Variants in GALNT9 observed in about 807,000 individuals in gnomAD.
GALNT9 encodes polypeptide N-acetylgalactosaminyltransferase 9, also known as GalNAc transferase 9.
A neutral mutation model predicts 63.1 loss-of-function variants in GALNT9; 47 were observed. That is an observed-to-expected ratio of 0.75 (90% CI 0.59 to 0.95). The LOEUF (loss-of-function observed/expected upper bound fraction) is 0.95, where lower values mean the gene tolerates loss of function less well. Among genes scored for constraint, GALNT9 ranks in the 40% least tolerant of loss-of-function variants. The probability of loss-of-function intolerance (pLI) is 0.00; values close to 1 mark genes in which losing one functional copy is unlikely to be tolerated. For missense variants in GALNT9, 829 were observed against 874.8 expected (o/e 0.95, Z 0.66); for synonymous variants, 396 against 365.7 (o/e 1.08, Z -0.94).
At chr12:132,300,863 C>G (rs1555243779) in intron 1 of GALNT9, among the ~76,000 whole-genome samples, 1 of 152,214 alleles carries the variant, frequency 6.6e-6, no homozygotes, top group Non-Finnish European at 1.5e-5. Context: ...AACTCACTCC[C>G]ATAACTAACC....
intron 6 of GALNT9, among the ~76,000 whole-genome samples, chr12:132,237,919 C>G (rs1364573871): frequency 2.1e-4 from 32 of 152,320 alleles, no homozygotes; most frequent in Admixed American, 2.0e-4. Flanking sequence ...CCGTGCCAGG[C>G]CTGCCCCTGC....
intron 1 of GALNT9, among the ~76,000 whole-genome samples, chr12:132,325,119 C>A (rs1868981871): frequency 6.6e-6 from 1 of 152,238 alleles, no homozygotes; most frequent in Non-Finnish European, 1.5e-5. Context: ...CCGGCTCAGG[C>A]CTCCCTGGGG....
rs564751547 is a variant in GALNT9 at position 132,320,739 on chromosome 12, G to C, written c.238+8227C>G. Among the ~76,000 whole-genome samples, 257 of 120,950 alleles carry C rather than the reference G, an allele frequency of 2.1e-3. 1 individual carries two copies. Among genetic ancestry groups the C allele is most frequent in the African/African-American group, 7.8e-3 (250 of 32,030 alleles). The allele number at this position is 120,950 out of a possible 152,430, so 79.3% of individuals were successfully genotyped here. A position where few individuals can be genotyped will look rare whatever the true frequency, so the allele number is the denominator to read the frequency against. ...AGCTCAAGGCCTCCGCCCCCACCAG[G>C]TGCCCTCGGGGTTGGAGAATCATCA... On this transcript the variant is annotated intron_variant, in intron 1 of 10. Transcript: ENST00000328957.
At chr12:132,243,848 C>A (rs2136906033) in intron 6 of GALNT9, among the ~76,000 whole-genome samples, 1 of 152,282 alleles carries the variant, frequency 6.6e-6, no homozygotes, top group African/African-American at 2.4e-5. Context: ...CATCAATCAC[C>A]GGCCAATCAC....
chr12:132,271,927 G>A lies in GALNT9; in HGVS notation c.420-9302C>T, dbSNP rs181487956. 8.2e-3 allele frequency among the ~76,000 whole-genome samples: 1,245 copies of A among 152,286 alleles called. 24 individuals are homozygous for A. Among genetic ancestry groups the A allele is most frequent in the African/African-American group, 0.028 (1,169 of 41,534 alleles). On this transcript the variant is annotated intron_variant, in intron 2 of 10. Coordinates refer to ENST00000328957, the MANE Select transcript of GALNT9 (RefSeq NM_001122636.2). The stretch of plus-strand genomic sequence containing the variant: ...GGGCCACACGTGTTCTCAGCAGGGC[G>A]GCCACACGTGAACTGTGTGTGTCTC...
intron 6 of GALNT9, among the ~76,000 whole-genome samples, chr12:132,222,219 A>G (rs1188056385): frequency 6.6e-6 from 1 of 152,190 alleles, no homozygotes; most frequent in Non-Finnish European, 1.5e-5. Flanking sequence ...TACGAGTATC[A>G]GAAAGATGTT....
At chr12:132,328,283 G>C (rs1308158946) in intron 1 of GALNT9, among the ~76,000 whole-genome samples, 1 of 152,168 alleles carries the variant, frequency 6.6e-6, no homozygotes, top group Non-Finnish European at 1.5e-5. Flanking sequence ...GGCTTTCATG[G>C]ATTCTGGGGC....
chr12:132,198,758 C>A (rs1359659530), intron 9 of GALNT9, among the ~76,000 whole-genome samples: 1 of 152,126 alleles, frequency 6.6e-6, no homozygotes, highest in East Asian at 1.9e-4. Context: ...CTCAGGTGAT[C>A]CTCCTGCCTC....
At chr12:132,313,860 A>G (rs1555245466) in intron 1 of GALNT9, among the ~76,000 whole-genome samples, 3 of 92,900 alleles carry the variant, frequency 3.2e-5, no homozygotes, top group Non-Finnish European at 4.0e-5. Context: ...CTACCCATCC[A>G]CCCACCCACC....
chr12:132,291,546 G>A (rs1276692846), intron 1 of GALNT9, among the ~76,000 whole-genome samples: 17 of 26,202 alleles, frequency 6.5e-4, no homozygotes, highest in Admixed American at 3.9e-3. Context: ...CCACACCACC[G>A]ACATCCACAG....
At chr12:132,306,894 G>A (rs1014119673) in intron 1 of GALNT9, among the ~76,000 whole-genome samples, 1 of 152,184 alleles carries the variant, frequency 6.6e-6, no homozygotes, top group East Asian at 1.9e-4. Context: ...ACCCGAGGGA[G>A]CGCACTGTTC....
intron 6 of GALNT9, among the ~76,000 whole-genome samples, chr12:132,229,249 C>G (rs1288307810): frequency 6.6e-6 from 1 of 152,246 alleles, no homozygotes; most frequent in Non-Finnish European, 1.5e-5. Flanking sequence ...ACTTAGGCCT[C>G]TCCACCGCAG....
intron 6 of GALNT9, among the ~76,000 whole-genome samples, chr12:132,211,110 T>G (rs1876941179): frequency 6.6e-6 from 1 of 152,132 alleles, no homozygotes; most frequent in Admixed American, 6.5e-5. Context: ...CTTCACAAGC[T>G]GAACGAATTG....
At position 132,262,474 on chromosome 12, in the gene GALNT9, C is replaced by G; in HGVS notation, c.571G>C (p.Asp191His). 1.3e-6 allele frequency: 2 copies of G among 1,550,428 alleles called. No individual in the cohort carries two copies. Among genetic ancestry groups the G allele is most frequent in the South Asian group, 1.2e-5 (1 of 84,004 alleles). ...QLLKEVILVD[D>H]NSDNVELKFN... The stretch of plus-strand genomic sequence containing the variant: ...GCCCACTCACCGTTGTCACTGTTGT[C>G]GTCCACCAGGATGACCTCCTTGAGG... Residue 191 changes from aspartate to histidine, a missense_variant, in exon 3 of 11, where the codon GAC becomes CAC. By Grantham distance (81) the Asp-to-His change is moderately conservative. Transcript: ENST00000328957.
Position 132,228,730 on chromosome 12 carries a change from G to A in GALNT9, c.1077+19180C>T, listed in dbSNP as rs987116762. Among the ~76,000 whole-genome samples, 24 of 152,248 alleles carry A rather than the reference G, an allele frequency of 1.6e-4. No individual in the cohort carries two copies. In the East Asian group the frequency reaches 4.3e-3, roughly 27 times the overall value. On this transcript the variant is annotated intron_variant, in intron 6 of 10. Coordinates refer to ENST00000328957, the MANE Select transcript of GALNT9 (RefSeq NM_001122636.2). ...CACCCGAGGAGCAGCATGTCCGAGC[G>A]TTTCAAGACAGAGAGCAAACGATTT...
Position 132,329,339 on chromosome 12 carries a change from C to T in GALNT9, c.-136G>A, listed in dbSNP as rs1869197162. The T allele has an allele frequency of 1.5e-6, 2 of 1,300,240 alleles. No homozygotes were observed. The highest frequency in any genetic ancestry group is 5.9e-5 in the East Asian group (2 of 34,052). 80.5% of individuals were successfully genotyped at this position (1,300,240 alleles called of 1,614,324 possible). A position where few individuals can be genotyped will look rare whatever the true frequency, so the allele number is the denominator to read the frequency against. ...CTGCGGGGCTCGGCCGGAGCTGTCC[C>T]TTCAGCACCAGCTCAGCGCGCCGGG... On this transcript the variant is annotated 5_prime_UTR_variant, in exon 1 of 11. Transcript: ENST00000328957.
At chr12:132,251,042 C>T (rs1878897152) in intron 5 of GALNT9, among the ~76,000 whole-genome samples, 1 of 152,208 alleles carries the variant, frequency 6.6e-6, no homozygotes, top group African/African-American at 2.4e-5. Context: ...CCGCGTCCTT[C>T]CACACGGAGT....
chr12:132,200,951 G>A (rs929821784), intron 8 of GALNT9, 173 bp downstream of exon 8: 17 of 615,430 alleles, frequency 2.8e-5, no homozygotes, highest in East Asian at 2.5e-4. Context: ...GAATGCACAC[G>A]TGTGTGCAGG....
intron 6 of GALNT9, among the ~76,000 whole-genome samples, chr12:132,226,011 T>C (rs1490181053): frequency 1.1e-5 from 1 of 88,758 alleles, no homozygotes; most frequent in African/African-American, 4.4e-5. Context: ...ACACCCCACA[T>C]TGTACACACC....
Sources: gnomAD v4.1 joint callset for allele counts (sites outside exome capture counted in the v4.1 genomes callset) on GRCh38, gnomAD v4.1.1 for gene constraint, MANE v1.5 for transcripts, NCBI Gene and HGNC (gene_info 2026-07-23, HGNC 2026-07-21) for gene names.